The following CFAP95 variants were observed in gnomAD, a reference collection of about 807,000 sequenced individuals.
The protein encoded by CFAP95 is cilia and flagella associated protein 95.
At chr9:69,882,120 T>G in the CFAP95 span, among the ~76,000 whole-genome samples, 1 of 152,004 alleles carries the variant, frequency 6.6e-6, no homozygotes, top group African/African-American at 2.4e-5. Context: ...ATAGCTGGGA[T>G]TAGAGGTGTG....
the CFAP95 span, among the ~76,000 whole-genome samples, chr9:69,892,085 T>C: frequency 6.6e-6 from 1 of 152,230 alleles, no homozygotes; most frequent in African/African-American, 2.4e-5. Context: ...TGTGGTAAAA[T>C]ATGCATAACA....
At chr9:69,887,688 C>T in the CFAP95 span, among the ~76,000 whole-genome samples, 1 of 152,198 alleles carries the variant, frequency 6.6e-6, no homozygotes, top group Non-Finnish European at 1.5e-5. Flanking sequence ...CCTGTTGGCA[C>T]AAGCCACTCA....
At chr9:69,897,025 A>G in the CFAP95 span, among the ~76,000 whole-genome samples, 2 of 152,180 alleles carry the variant, frequency 1.3e-5, no homozygotes. Context: ...CTGTGGGGTA[A>G]TTCTTCTTTT....
chr9:69,858,418 G>A, the CFAP95 span, among the ~76,000 whole-genome samples: 3 of 152,162 alleles, frequency 2.0e-5, no homozygotes, highest in African/African-American at 7.2e-5. Context: ...TCAGTGACAC[G>A]TTTTTCTAAC....
the CFAP95 span, among the ~76,000 whole-genome samples, chr9:69,845,586 T>C: frequency 6.6e-6 from 1 of 152,342 alleles, no homozygotes; most frequent in East Asian, 1.9e-4. Context: ...TAGCTTAGCA[T>C]GGCAGTGCCA....
At chr9:69,860,106 G>A in the CFAP95 span, among the ~76,000 whole-genome samples, 1 of 152,144 alleles carries the variant, frequency 6.6e-6, no homozygotes, top group Admixed American at 6.5e-5. Context: ...TGTATACTTA[G>A]GCTACACTAA....
the CFAP95 span, among the ~76,000 whole-genome samples, chr9:69,879,196 TTGG>T: frequency 6.6e-6 from 1 of 152,240 alleles, no homozygotes; most frequent in Non-Finnish European, 1.5e-5. Flanking sequence ...ATATACTTTC[TTGG>T]TGACTTGCTC....
chr9:69,821,630 G>A, the CFAP95 span, among the ~76,000 whole-genome samples: 7 of 152,236 alleles, frequency 4.6e-5, no homozygotes, highest in East Asian at 3.9e-4. Flanking sequence ...TTTGAACGAG[G>A]CCCCTCATAT....
chr9:69,882,829 G>A, the CFAP95 span, among the ~76,000 whole-genome samples: 8 of 151,988 alleles, frequency 5.3e-5, no homozygotes, highest in South Asian at 2.1e-4. Flanking sequence ...TTTTTTTAAC[G>A]TGTTGTTGAA....
At chr9:69,897,802 T>G in the CFAP95 span, among the ~76,000 whole-genome samples, 2 of 152,136 alleles carry the variant, frequency 1.3e-5, no homozygotes, top group Non-Finnish European at 2.9e-5. Context: ...ATTTTACTGA[T>G]GTAAGTGGTA....
chr9:69,825,041 A>G, the CFAP95 span, among the ~76,000 whole-genome samples: 1 of 152,342 alleles, frequency 6.6e-6, no homozygotes, highest in Non-Finnish European at 1.5e-5. Flanking sequence ...GTAAAATTCT[A>G]AATTGAATGA....
the CFAP95 span, among the ~76,000 whole-genome samples, chr9:69,846,026 C>T: frequency 1.3e-5 from 2 of 152,216 alleles, no homozygotes; most frequent in Non-Finnish European, 2.9e-5. Context: ...CAGCATGGGG[C>T]TGTGGTCAGG....
the CFAP95 span, among the ~76,000 whole-genome samples, chr9:69,843,631 C>CT: frequency 2.2e-3 from 99 of 44,530 alleles, no homozygotes; most frequent in East Asian, 4.0e-3. Flanking sequence ...CTTCTTCTTC[C>CT]TCCTCCTCCT....
At chr9:69,890,668 C>T in the CFAP95 span, among the ~76,000 whole-genome samples, 13,127 of 152,236 alleles carry the variant, frequency 0.086, 742 homozygotes, top group East Asian at 0.17. Context: ...ACCATTCATT[C>T]GGTCTACTAC....
chr9:69,866,156 G>A, the CFAP95 span, among the ~76,000 whole-genome samples: 1 of 152,154 alleles, frequency 6.6e-6, no homozygotes, highest in African/African-American at 2.4e-5. Context: ...TGTAAACATG[G>A]AGAGAATAAT....
At chr9:69,854,598 T>G in the CFAP95 span, among the ~76,000 whole-genome samples, 1 of 152,206 alleles carries the variant, frequency 6.6e-6, no homozygotes, top group Admixed American at 6.5e-5. Flanking sequence ...TGTTCTTCAT[T>G]TGCACCTCCA....
chr9:69,905,347 T>C, the CFAP95 span, among the ~76,000 whole-genome samples: 1 of 152,184 alleles, frequency 6.6e-6, no homozygotes, highest in Non-Finnish European at 1.5e-5. Flanking sequence ...TTACCCTTGG[T>C]GTAATCGGAA....
At chr9:69,902,615 A>G in the CFAP95 span, among the ~76,000 whole-genome samples, 115 of 151,846 alleles carry the variant, frequency 7.6e-4, no homozygotes, top group East Asian at 0.021. Context: ...CACAATACCA[A>G]TTTTGCCTTG....
At chr9:69,886,441 T>C in the CFAP95 span, among the ~76,000 whole-genome samples, 1 of 152,222 alleles carries the variant, frequency 6.6e-6, no homozygotes, top group Non-Finnish European at 1.5e-5. Flanking sequence ...GTTTTGCTGT[T>C]GTATCTCAAA....
Sources: allele counts gnomAD v4.1 joint callset (sites outside exome capture counted in the v4.1 genomes callset), GRCh38; gene constraint gnomAD v4.1.1; transcripts MANE v1.5; gene names NCBI Gene and HGNC (gene_info 2026-07-23, HGNC 2026-07-21).